Variants in SGCD observed in about 807,000 individuals in gnomAD.
SGCD encodes delta-sarcoglycan.
In SGCD, 18 loss-of-function variants were observed where a neutral mutation model predicts 36.6. The ratio of observed to expected loss-of-function variants is 0.49; its 90% CI spans 0.34 to 0.73. The LOEUF is 0.73. Among genes scored for constraint, SGCD ranks in the 30% least tolerant of loss-of-function variants. The pLI is 0.01. For missense variants in SGCD, 387 were observed against 346.7 expected, an observed-to-expected ratio of 1.12 and a Z score of -0.92; for synonymous variants, 133 against 130.6, an observed-to-expected ratio of 1.02 and a Z score of -0.12.
intron 3 of SGCD, among the ~76,000 whole-genome samples, chr5:156,124,567 C>T (rs2127603741): frequency 6.6e-6 from 1 of 152,224 alleles, no homozygotes; most frequent in Non-Finnish European, 1.5e-5. Flanking sequence ...TGATAATTAT[C>T]ACAGTAACGA....
At chr5:156,367,577 T>A (rs972427736) in intron 3 of SGCD, among the ~76,000 whole-genome samples, 2 of 152,208 alleles carry the variant, frequency 1.3e-5, no homozygotes, top group Non-Finnish European at 2.9e-5. Flanking sequence ...TGCAACATAT[T>A]GGAACATACG....
intron 3 of SGCD, among the ~76,000 whole-genome samples, chr5:156,131,432 T>C (rs1762320826): frequency 6.6e-6 from 1 of 152,224 alleles, no homozygotes; most frequent in African/African-American, 2.4e-5. Context: ...GCTAAAAAAC[T>C]AATATGTGAT....
At chr5:155,943,698 G>C (rs1262492833) in intron 1 of SGCD, among the ~76,000 whole-genome samples, 1 of 152,004 alleles carries the variant, frequency 6.6e-6, no homozygotes, top group Non-Finnish European at 1.5e-5. Context: ...GTTCCTCTTT[G>C]GGGGTTGCTC....
intron 6 of SGCD, among the ~76,000 whole-genome samples, chr5:156,635,252 G>C (rs898706279): frequency 2.0e-5 from 3 of 152,036 alleles, no homozygotes; most frequent in Admixed American, 1.3e-4. Context: ...GGGGCTTTCT[G>C]ACATTTATGC....
intron 1 of SGCD, among the ~76,000 whole-genome samples, chr5:156,089,932 G>A (rs1338853155): frequency 6.6e-6 from 1 of 152,010 alleles, no homozygotes; most frequent in Admixed American, 6.6e-5. Flanking sequence ...CAGTTAATCT[G>A]GGTCTGTTTT....
chr5:156,289,514 G>A (rs1369431163), intron 3 of SGCD, among the ~76,000 whole-genome samples: 1 of 151,696 alleles, frequency 6.6e-6, no homozygotes, highest in African/African-American at 2.4e-5. Flanking sequence ...GTGTCCATGT[G>A]TTCTCATTGT....
rs190033432 is a variant in SGCD, at chr5:156,070,342, C to T, written c.-281-47536C>T. Reference sequence around the variant, plus strand: ...TTTATTGAGAGTTTTTAGCATGAAGCGTTGTTGAATTTTGTCAAAGGCCTT... The same window carrying T: ...TTTATTGAGAGTTTTTAGCATGAAGTGTTGTTGAATTTTGTCAAAGGCCTT... On this transcript the variant is annotated intron_variant, in intron 1 of 9. Coordinates refer to the SGCD transcript ENST00000517913. Among the ~76,000 whole-genome samples, 90 of 151,920 alleles carry T rather than the reference C, an allele frequency of 5.9e-4. No homozygotes were observed. In the South Asian group the frequency reaches 8.9e-3, roughly 15 times the overall value.
At chr5:156,043,403 T>C (rs1251097629) in intron 1 of SGCD, among the ~76,000 whole-genome samples, 1 of 152,178 alleles carries the variant, frequency 6.6e-6, no homozygotes, top group African/African-American at 2.4e-5. Flanking sequence ...CAATTAAATG[T>C]CACCTATCCT....
Position 156,542,343 on chromosome 5 carries a change from C to T in SGCD, c.294+33641C>T, listed in dbSNP as rs193262660. On this transcript the variant is annotated intron_variant, in intron 4 of 8. Coordinates refer to ENST00000337851, the MANE Select transcript of SGCD (RefSeq NM_000337.6). Reference sequence around the variant, plus strand: ...TTTTTGGTCTTAATCCAACCACTTCCGCTATTTATGATAACTGTTGTGCCC... The same window carrying T: ...TTTTTGGTCTTAATCCAACCACTTCTGCTATTTATGATAACTGTTGTGCCC... Among the ~76,000 whole-genome samples the T allele has an allele frequency of 2.3e-3, 355 of 152,234 alleles. 1 individual carries two copies. The highest frequency in any genetic ancestry group is 7.9e-3 in the African/African-American group (329 of 41,532).
chr5:156,018,913 C>T (rs1436765047), intron 1 of SGCD, among the ~76,000 whole-genome samples: 1 of 152,142 alleles, frequency 6.6e-6, no homozygotes, highest in Admixed American at 6.6e-5. Context: ...GGATTTTCAT[C>T]AAATTTTAAC....
intron 4 of SGCD, among the ~76,000 whole-genome samples, chr5:156,526,171 C>T (rs1283518110): frequency 4.6e-5 from 7 of 151,580 alleles, no homozygotes; most frequent in Admixed American, 2.0e-4. Context: ...CCTTTTTGTT[C>T]GTCTAAGCAC....
chr5:156,492,002 T>A (rs1755967839), intron 3 of SGCD, among the ~76,000 whole-genome samples: 1 of 152,050 alleles, frequency 6.6e-6, no homozygotes, highest in Non-Finnish European at 1.5e-5. Flanking sequence ...TAGAGGTGAC[T>A]GTCAGTCTGT....
At position 156,215,933 on chromosome 5, in the gene SGCD, A is replaced by G. The variant is rs570041414; in HGVS notation, c.-44+91914A>G. Among the ~76,000 whole-genome samples, 4 of 152,356 alleles carry G rather than the reference A, an allele frequency of 2.6e-5. No individual in the cohort carries two copies. In the East Asian group the frequency reaches 7.7e-4, roughly 29 times the overall value. On this transcript the variant is annotated intron_variant, in intron 3 of 9. Coordinates refer to the SGCD transcript ENST00000517913. ...ACAACAGCCTGACAGGAAATCAAAC[A>G]AAGTTCTATCAATGGGTGAACAGAT...
intron 3 of SGCD, among the ~76,000 whole-genome samples, chr5:156,217,710 G>T (rs1443528530): frequency 6.6e-6 from 1 of 151,834 alleles, no homozygotes; most frequent in African/African-American, 2.4e-5. Context: ...ATCAGGCAGG[G>T]CATAAATAAA....
intron 3 of SGCD, among the ~76,000 whole-genome samples, chr5:156,256,461 C>G (rs1242952852): frequency 6.6e-6 from 1 of 152,164 alleles, no homozygotes; most frequent in East Asian, 1.9e-4. Flanking sequence ...TCTCACTTAA[C>G]ATCATGCTTT....
intron 3 of SGCD, among the ~76,000 whole-genome samples, chr5:156,254,099 T>C (rs1369790544): frequency 6.6e-6 from 1 of 152,206 alleles, no homozygotes; most frequent in African/African-American, 2.4e-5. Context: ...TTCTAGTTCT[T>C]ATTTTAATGC....
rs191441046 is a variant in SGCD, at chr5:156,342,851, T to C, written c.4-1638T>C. ...CTGGTAGCAGATGGGAAATCATTCA[T>C]TGGGTCATCATTTATGCATTCTGTT... On this transcript the variant is annotated intron_variant, in intron 2 of 8. Transcript: ENST00000337851. 7.7e-4 allele frequency among the ~76,000 whole-genome samples: 118 copies of C among 152,326 alleles called. 1 individual carries two copies. The highest frequency in any genetic ancestry group is 3.4e-3 in the Middle Eastern group (1 of 294).
chr5:155,883,496 T>C (rs991388950), intron 1 of SGCD, among the ~76,000 whole-genome samples: 2 of 152,094 alleles, frequency 1.3e-5, no homozygotes, highest in Non-Finnish European at 2.9e-5. Flanking sequence ...AGTAGTATTA[T>C]GTCTCAGGGA....
chr5:156,092,855 T>G lies in SGCD; in HGVS notation c.-281-25023T>G, dbSNP rs569496061. 8.5e-5 allele frequency among the ~76,000 whole-genome samples: 13 copies of G among 152,342 alleles called. No homozygotes were observed. In the South Asian group the frequency reaches 2.7e-3, roughly 32 times the overall value. ...GCCTCCCAGTTTTCACTCTAGAGGT[T>G]GTGAGAAAGTTTTATTGTTCTTACA... On this transcript the variant is annotated intron_variant, in intron 1 of 9. Transcript: ENST00000517913.
Sources: allele counts gnomAD v4.1 joint callset (sites outside exome capture counted in the v4.1 genomes callset), GRCh38; gene constraint gnomAD v4.1.1; transcripts MANE v1.5; gene names NCBI Gene and HGNC (gene_info 2026-07-23, HGNC 2026-07-21).